The following ATF2 variants were observed in gnomAD, a reference collection of about 807,000 sequenced individuals.
ATF2 encodes cyclic AMP-dependent transcription factor ATF-2.
ATF2 carries 24 observed loss-of-function variants against 60.6 expected under a neutral mutation model. That is an observed-to-expected ratio of 0.40 (90% CI 0.29 to 0.56). The LOEUF (loss-of-function observed/expected upper bound fraction) is 0.56, where lower values mean the gene tolerates loss of function less well. ATF2 is among the 20% of genes least tolerant of loss of function. The pLI, the probability that ATF2 is intolerant of heterozygous loss-of-function variation, is 0.54. For missense variants in ATF2, 433 were observed against 607.7 expected, an observed-to-expected ratio of 0.71 and a Z score of 3.02; for synonymous variants, 206 against 215.4, an observed-to-expected ratio of 0.96 and a Z score of 0.38.
Position 175,081,123 on chromosome 2 carries a change from G to A in ATF2, c.1186-358C>T, listed in dbSNP as rs1192888684. On this transcript the variant is annotated intron_variant, in intron 12 of 13. Transcript: ENST00000264110. ...TTAAAAAGAAACATCAAGGGAGTCA[G>A]GATGAATTTTCACTGATTCCATTCA... 2.0e-5 allele frequency among the ~76,000 whole-genome samples: 3 copies of A among 152,168 alleles called. No homozygotes were observed. In the East Asian group the frequency reaches 5.8e-4, roughly 29 times the overall value.
At chr2:175,127,794 C>T (rs1157367350) in intron 4 of ATF2, among the ~76,000 whole-genome samples, 1 of 152,166 alleles carries the variant, frequency 6.6e-6, no homozygotes, top group Non-Finnish European at 1.5e-5. Context: ...GAGGCACATT[C>T]CCTGGTTAAC....
chr2:175,121,682 T>C lies in ATF2; in HGVS notation c.103-142A>G, dbSNP rs1696963995. On this transcript the variant is annotated intron_variant, in intron 4 of 13. Coordinates refer to ENST00000264110, the MANE Select transcript of ATF2 (RefSeq NM_001880.4). ...TTTTAAACTATAAAAGAATCCGTTA[T>C]TGTTAGTAGATAGCACACTAGATTG... 2.6e-5 allele frequency: 15 copies of C among 583,102 alleles called. No individual in the cohort carries two copies. The East Asian group carries it at 4.5e-4, about 17-fold the overall frequency. 36.1% of individuals were successfully genotyped at this position (583,102 alleles called of 1,614,324 possible).
chr2:175,128,568 A>G (rs1160974430), intron 4 of ATF2, among the ~76,000 whole-genome samples: 1 of 152,216 alleles, frequency 6.6e-6, no homozygotes, highest in African/African-American at 2.4e-5. Flanking sequence ...TCAAGATTAA[A>G]GAGAAATCTA....
At chr2:175,086,235 G>A (rs1694157590) in intron 12 of ATF2, among the ~76,000 whole-genome samples, 1 of 152,238 alleles carries the variant, frequency 6.6e-6, no homozygotes, top group African/African-American at 2.4e-5. Flanking sequence ...AATATAACTT[G>A]TATTATTACT....
intron 12 of ATF2, among the ~76,000 whole-genome samples, chr2:175,082,907 GA>G (rs1452051083): frequency 1.3e-5 from 2 of 152,148 alleles, no homozygotes; most frequent in African/African-American, 4.8e-5. Context: ...TTGCTTCAAA[GA>G]GAATAAAATA....
intron 13 of ATF2, 94 bp downstream of exon 13, chr2:175,080,566 A>G (rs1693693420): frequency 1.1e-6 from 1 of 881,884 alleles, no homozygotes; most frequent in Non-Finnish European, 1.7e-6. Context: ...GAATATTAGA[A>G]GCACAGTCTC....
At chr2:175,110,960 G>A (rs748161991) in intron 10 of ATF2, among the ~76,000 whole-genome samples, 43 of 152,200 alleles carry the variant, frequency 2.8e-4, no homozygotes, top group African/African-American at 9.2e-4. Flanking sequence ...AAATTAGAAC[G>A]TTTATAGGAT....
intron 10 of ATF2, among the ~76,000 whole-genome samples, chr2:175,103,420 T>A (rs188838573): frequency 1.3e-5 from 2 of 152,220 alleles, no homozygotes; most frequent in African/African-American, 4.8e-5. Flanking sequence ...AGAGAACATA[T>A]GAAAATCAAG....
chr2:175,161,926 A>G (rs1166648633), intron 1 of ATF2, among the ~76,000 whole-genome samples: 1 of 151,976 alleles, frequency 6.6e-6, no homozygotes, highest in East Asian at 1.9e-4. Flanking sequence ...ATGCCCAGCT[A>G]ATTTTTGTAT....
At position 175,136,437 on chromosome 2, in the gene ATF2, A is replaced by G; in HGVS notation, c.7T>C (p.Phe3Leu). The change falls in exon 3 of 14, where the codon TTC (phenylalanine) becomes CTC (leucine). Residue 3 changes from phenylalanine (F) to leucine (L), a missense_variant. By Grantham distance (22) the Phe-to-Leu change is conservative. Coordinates refer to ENST00000264110, the MANE Select transcript of ATF2 (RefSeq NM_001880.4). ...CTGGCAGAATTCACATGTAACTTGA[A>G]TTTCATAAGTTGAATAACTTATCAC... Reference protein sequence around the residue: MKFKLHVNSARQY... With the variant: MKLKLHVNSARQY... 6.2e-7 allele frequency: 1 copy of G among 1,610,912 alleles called. No homozygotes were observed. Among genetic ancestry groups the G allele is most frequent in the Non-Finnish European group, 8.5e-7 (1 of 1,178,540 alleles).
intron 3 of ATF2, among the ~76,000 whole-genome samples, chr2:175,133,472 T>G (rs1309903056): frequency 6.6e-6 from 1 of 152,176 alleles, no homozygotes; most frequent in Non-Finnish European, 1.5e-5. Flanking sequence ...AATTATGTAA[T>G]ATTCCCTTGA....
At chr2:175,113,738 A>G (rs1365000290) in intron 9 of ATF2, among the ~76,000 whole-genome samples, 2 of 152,002 alleles carry the variant, frequency 1.3e-5, no homozygotes, top group African/African-American at 4.8e-5. Flanking sequence ...TTTGAATGCT[A>G]CAAGTCCAGT....
At chr2:175,097,659 ACAAACAATAGC>A in intron 10 of ATF2, 66 bp from the exon 11 acceptor site, 1 of 1,553,356 alleles carries the variant, frequency 6.4e-7, no homozygotes, top group South Asian at 1.2e-5. Flanking sequence ...TATCAACAAG[ACAAACAATAGC>A]ACCTTGGGTA....
intron 10 of ATF2, among the ~76,000 whole-genome samples, chr2:175,108,414 G>A (rs1457609035): frequency 2.0e-5 from 3 of 151,146 alleles, no homozygotes; most frequent in Non-Finnish European, 4.4e-5. Flanking sequence ...CGGGAGGGAG[G>A]TGGGGGGTCA....
At chr2:175,093,326 G>T in intron 11 of ATF2, 59 bp from the exon 12 acceptor site, 1 of 1,521,944 alleles carries the variant, frequency 6.6e-7, no homozygotes. Context: ...AATTAACATA[G>T]GCAGTAAAGG....
intron 1 of ATF2, among the ~76,000 whole-genome samples, chr2:175,154,993 C>T (rs1037601184): frequency 2.6e-5 from 4 of 152,136 alleles, no homozygotes; most frequent in African/African-American, 9.7e-5. Flanking sequence ...GCTTCTGTCC[C>T]TGTGGGAGGA....
intron 1 of ATF2, among the ~76,000 whole-genome samples, chr2:175,161,034 T>C (rs1244474433): frequency 6.6e-6 from 1 of 152,120 alleles, no homozygotes; most frequent in Non-Finnish European, 1.5e-5. Flanking sequence ...TAAGACTTTG[T>C]CTCAAAAATA....
At chr2:175,140,803 T>C (rs1698452542) in intron 2 of ATF2, among the ~76,000 whole-genome samples, 1 of 138,496 alleles carries the variant, frequency 7.2e-6, no homozygotes, top group Non-Finnish European at 1.5e-5. Context: ...CTGGGGAACA[T>C]AAGGTTCTGT....
intron 1 of ATF2, among the ~76,000 whole-genome samples, chr2:175,162,703 A>G (rs1700098440): frequency 6.6e-6 from 1 of 152,262 alleles, no homozygotes; most frequent in South Asian, 2.1e-4. Flanking sequence ...AAAGTAAAAT[A>G]AAACTTATTT....
Sources: gnomAD v4.1 joint callset for allele counts (sites outside exome capture counted in the v4.1 genomes callset) on GRCh38, gnomAD v4.1.1 for gene constraint, MANE v1.5 for transcripts, NCBI Gene and HGNC (gene_info 2026-07-23, HGNC 2026-07-21) for gene names.